ADGRG6: variants seen among roughly 807,000 people sequenced by gnomAD.
The protein encoded by ADGRG6 is adhesion G protein-coupled receptor G6.
Under a neutral mutation model 142.4 loss-of-function variants are expected in ADGRG6, and 84 were observed. The ratio of observed to expected loss-of-function variants is 0.59; its 90% confidence interval spans 0.49 to 0.71. The LOEUF (loss-of-function observed/expected upper bound fraction) is 0.71. Among genes scored for constraint, ADGRG6 ranks in the 30% least tolerant of loss-of-function variants. The probability of loss-of-function intolerance (pLI) is 0.00; values close to 1 mark genes in which losing one functional copy is unlikely to be tolerated. For synonymous variants in ADGRG6, 521 were observed against 520.5 expected, an observed-to-expected ratio of 1.00 and a Z score of -0.01; for missense variants, 1,367 against 1,466.6, an observed-to-expected ratio of 0.93 and a Z score of 1.11.
chr6:142,362,720 A>G (rs1780780335), intron 2 of ADGRG6, among the ~76,000 whole-genome samples: 1 of 152,242 alleles, frequency 6.6e-6, no homozygotes. Context: ...GATAAATGCC[A>G]GCATCTAAAA....
At chr6:142,365,651 CTG>C (rs1780911897) in intron 2 of ADGRG6, among the ~76,000 whole-genome samples, 1 of 152,144 alleles carries the variant, frequency 6.6e-6, no homozygotes, top group South Asian at 2.1e-4. Flanking sequence ...TTTCCATTGT[CTG>C]TCTTCGGTCT....
intron 2 of ADGRG6, among the ~76,000 whole-genome samples, chr6:142,323,443 C>G (rs889245506): frequency 6.6e-6 from 1 of 151,980 alleles, no homozygotes; most frequent in East Asian, 1.9e-4. Flanking sequence ...GCTGATTTAG[C>G]GGATATTTTG....
At chr6:142,413,744 G>T (rs572841695) in intron 18 of ADGRG6, among the ~76,000 whole-genome samples, 177 of 152,230 alleles carry the variant, frequency 1.2e-3, no homozygotes, top group African/African-American at 4.2e-3. Flanking sequence ...TGTTTTAAGG[G>T]ATTCCTGGGA....
At chr6:142,318,190 T>TATATTTATATTATAC (rs1778288638) in intron 2 of ADGRG6, among the ~76,000 whole-genome samples, 1 of 46,632 alleles carries the variant, frequency 2.1e-5, no homozygotes, top group African/African-American at 8.5e-5. Flanking sequence ...TTATATATTA[T>TATATTTATATTATAC]ATATTTATAT....
chr6:142,408,458 T>C (rs1446858851), intron 16 of ADGRG6, among the ~76,000 whole-genome samples, 189 bp downstream of exon 16: 3 of 151,992 alleles, frequency 2.0e-5, no homozygotes, highest in Non-Finnish European at 4.4e-5. Flanking sequence ...GCTGGAGAGG[T>C]TAGTCTTATC....
rs1777286062 is a variant in ADGRG6 at position 142,302,654 on chromosome 6, A to G, written c.2+323A>G. Reference sequence around the variant, plus strand: ...ACGTGTTTTCAATTCAAATTAAACAAGGAGTAACAGGCACCGCTCCTCAGT... The same window carrying G: ...ACGTGTTTTCAATTCAAATTAAACAGGGAGTAACAGGCACCGCTCCTCAGT... On this transcript the variant is annotated intron_variant, in intron 1 of 24. Coordinates refer to ENST00000367609, the MANE Select transcript of ADGRG6 (RefSeq NM_198569.3). 3 of 374,432 alleles carry G rather than the reference A, an allele frequency of 8.0e-6. No individual in the cohort carries two copies. In the South Asian group the frequency reaches 2.3e-4, roughly 28 times the overall value. 23.2% of individuals were successfully genotyped at this position (374,432 alleles called of 1,614,324 possible).
At chr6:142,302,685 G>A (rs1162272945) in intron 1 of ADGRG6, 3 of 294,366 alleles carry the variant, frequency 1.0e-5, no homozygotes, top group Admixed American at 1.0e-4. Flanking sequence ...TCAGTCCAGA[G>A]GCCTGGCCCT....
At chr6:142,314,728 T>A (rs1245702333) in intron 2 of ADGRG6, among the ~76,000 whole-genome samples, 1 of 152,230 alleles carries the variant, frequency 6.6e-6, no homozygotes. Context: ...TTTAGATATC[T>A]GGAGAGTGGT....
At chr6:142,347,541 G>A (rs1284530098) in intron 2 of ADGRG6, among the ~76,000 whole-genome samples, 1 of 152,086 alleles carries the variant, frequency 6.6e-6, no homozygotes, top group Non-Finnish European at 1.5e-5. Context: ...GTATCCATCT[G>A]ATGAGAGTCT....
chr6:142,360,655 A>T (rs189232945), intron 2 of ADGRG6, among the ~76,000 whole-genome samples: 1 of 151,480 alleles, frequency 6.6e-6, no homozygotes, highest in Non-Finnish European at 1.5e-5. Flanking sequence ...CTTTTCTTTT[A>T]TTTATTTATT....
At chr6:142,341,897 C>T (rs1779676894) in intron 2 of ADGRG6, among the ~76,000 whole-genome samples, 1 of 151,624 alleles carries the variant, frequency 6.6e-6, no homozygotes, top group Non-Finnish European at 1.5e-5. Context: ...AAACTTGGAT[C>T]ATTCTGAAAC....
chr6:142,401,030 G>C (rs1180971567), intron 11 of ADGRG6, among the ~76,000 whole-genome samples: 1 of 152,058 alleles, frequency 6.6e-6, no homozygotes, highest in East Asian at 1.9e-4. Context: ...AAACTGTCAG[G>C]GTGTAGATTT....
intron 2 of ADGRG6, among the ~76,000 whole-genome samples, chr6:142,365,467 C>A: frequency 6.6e-6 from 1 of 152,092 alleles, no homozygotes; most frequent in East Asian, 1.9e-4. Context: ...GACAGTCACA[C>A]ACCCTCTGCT....
intron 2 of ADGRG6, among the ~76,000 whole-genome samples, chr6:142,340,667 G>A (rs535823118): frequency 6.6e-6 from 1 of 152,162 alleles, no homozygotes; most frequent in South Asian, 2.1e-4. Context: ...CCTTTGAATA[G>A]TACATTTTTC....
At position 142,367,893 on chromosome 6, in the gene ADGRG6, A is replaced by G. The variant is rs749058357; in HGVS notation, c.428A>G (p.Asn143Ser). Residue 143 changes from asparagine (N) to serine (S), a missense_variant, in exon 3 of 25, where the codon AAT becomes AGT. By Grantham distance (46) the Asn-to-Ser change is conservative. Coordinates refer to ENST00000367609, the MANE Select transcript of ADGRG6 (RefSeq NM_198569.3). Reference sequence around the variant, plus strand: ...TTTAGCATCCAGAAGAAAGGTTTCAATGCCAGCTACATCAGAGGTATGTAA... The same window carrying G: ...TTTAGCATCCAGAAGAAAGGTTTCAGTGCCAGCTACATCAGAGGTATGTAA... ...SDFSIQKKGF[N>S]ASYIRVAVSL... 5.6e-6 allele frequency: 9 copies of G among 1,604,706 alleles called. No homozygotes were observed. Among genetic ancestry groups the G allele is most frequent in the East Asian group, 2.2e-5 (1 of 44,884 alleles).
intron 2 of ADGRG6, among the ~76,000 whole-genome samples, chr6:142,315,960 A>G (rs1334762679): frequency 5.9e-5 from 9 of 152,276 alleles, no homozygotes; most frequent in African/African-American, 1.7e-4. Flanking sequence ...TCAGAGAGGA[A>G]TAAAGTATCC....
At chr6:142,437,311 T>C in intron 22 of ADGRG6, 123 bp from the exon 23 acceptor site, 1 of 562,650 alleles carries the variant, frequency 1.8e-6, no homozygotes, top group African/African-American at 1.9e-5. Flanking sequence ...TTCCTTAAGA[T>C]CTTTGTTTCT....
chr6:142,306,977 T>C (rs1275496667), intron 1 of ADGRG6, among the ~76,000 whole-genome samples: 2 of 152,132 alleles, frequency 1.3e-5, no homozygotes, highest in East Asian at 3.9e-4. Flanking sequence ...TCTGGAGACA[T>C]GGAATGCCTT....
intron 6 of ADGRG6, among the ~76,000 whole-genome samples, chr6:142,385,818 T>C (rs1781992308): frequency 6.6e-6 from 1 of 152,180 alleles, no homozygotes; most frequent in Non-Finnish European, 1.5e-5. Flanking sequence ...TATGAATACA[T>C]GCTATTTAAT....
Sources: allele counts gnomAD v4.1 joint callset (sites outside exome capture counted in the v4.1 genomes callset), GRCh38; gene constraint gnomAD v4.1.1; transcripts MANE v1.5; gene names NCBI Gene and HGNC (gene_info 2026-07-23, HGNC 2026-07-21).